The following SCAF11 variants were observed in gnomAD, a reference collection of about 807,000 sequenced individuals.
The protein encoded by SCAF11 is protein SCAF11.
SCAF11 carries 47 observed loss-of-function variants against 140.5 expected under a neutral mutation model. That is an observed-to-expected ratio of 0.33 (90% CI 0.26 to 0.43). SCAF11 has a LOEUF of 0.43. Ranked by LOEUF, SCAF11 falls within the 20% of genes least tolerant of loss-of-function variation. SCAF11 has a pLI of 1.00. For synonymous variants in SCAF11, 557 were observed against 579.4 expected (o/e 0.96, Z 0.55); for missense variants, 1,645 against 1,705.1 (o/e 0.96, Z 0.62).
upstream of SCAF11, chr12:45,991,887 AG>A: frequency 1.6e-6 from 2 of 1,285,674 alleles, no homozygotes; most frequent in Non-Finnish European, 2.0e-6. Context: ...CGGCTCACCC[AG>A]GTCCCAGTCG....
In SCAF11 at chr12:45,921,958, TCA is replaced by T; in HGVS notation, c.*88_*89del. The T allele has an allele frequency of 1.4e-6, 2 of 1,426,154 alleles. No individual in the cohort carries two copies. Among genetic ancestry groups the T allele is most frequent in the Non-Finnish European group, 1.9e-6 (2 of 1,059,058 alleles). The allele number at this position is 1,426,154 out of a possible 1,614,324, so 88.3% of individuals were successfully genotyped here. A position where few individuals can be genotyped will look rare whatever the true frequency, so the allele number is the denominator to read the frequency against. On this transcript the variant is annotated 3_prime_UTR_variant, in exon 15 of 15. Transcript: ENST00000369367. ...TAATTTTATCAAAACCAAATTTCAATCACAGTTATGTATGATTTTCAGTTAAT... is the reference window on the plus strand; with the variant it reads ...TAATTTTATCAAAACCAAATTTCAATCAGTTATGTATGATTTTCAGTTAAT...
intron 1 of SCAF11, among the ~76,000 whole-genome samples, chr12:45,988,727 GCAAA>G (rs1946520617): frequency 6.6e-6 from 1 of 152,112 alleles, no homozygotes; most frequent in South Asian, 2.1e-4. Flanking sequence ...CTTACAGTAA[GCAAA>G]CATTCAAATT....
chr12:45,964,246 T>TAAAAAA (rs199589025), intron 1 of SCAF11, 58 bp from the exon 2 acceptor site: 6 of 789,070 alleles, frequency 7.6e-6, no homozygotes, highest in African/African-American at 7.1e-5. Context: ...TAATATCAAT[T>TAAAAAA]AAAAAAAAAT....
At chr12:45,983,715 C>A (rs1213145496) in intron 1 of SCAF11, among the ~76,000 whole-genome samples, 1 of 147,356 alleles carries the variant, frequency 6.8e-6, no homozygotes, top group Non-Finnish European at 1.5e-5. Flanking sequence ...GAGTTCAAAA[C>A]CAGGTCTGAC....
In SCAF11 at chr12:45,928,327, C is replaced by T. The variant is rs780714781; in HGVS notation, c.1374G>A (p.Glu458=). 6.2e-7 allele frequency: 1 copy of T among 1,614,026 alleles called. No individual in the cohort carries two copies. Among genetic ancestry groups the T allele is most frequent in the Non-Finnish European group, 8.5e-7 (1 of 1,180,002 alleles). The change falls in exon 11 of 15, where the codon GAG becomes GAA. Residue 458 remains glutamate (E), a synonymous_variant. Transcript: ENST00000369367. ...CTGTATCATAATTTGCAGTATGCTT[C>T]TCACTTTCTTCTATTTGCTCATTGC... The part of the protein sequence containing the change: ...KSCNEQIEES[E]KHTANYDTEE...
chr12:45,961,444 G>C lies in SCAF11; in HGVS notation c.219+256C>G, dbSNP rs1316052730. ...TTACTGCATTTCTACCAGAAAAAAA[G>C]TTTGATCTGTTCTTCCTATAAGGTT... On this transcript the variant is annotated intron_variant, in intron 3 of 14. Coordinates refer to ENST00000369367, the MANE Select transcript of SCAF11 (RefSeq NM_004719.3). The C allele has an allele frequency of 8.0e-6, 5 of 624,288 alleles. No homozygotes were observed. In the East Asian group the frequency reaches 8.3e-5, roughly 10 times the overall value. 38.7% of individuals were successfully genotyped at this position (624,288 alleles called of 1,614,324 possible).
chr12:45,923,778 G>C (rs542365223), intron 12 of SCAF11, among the ~76,000 whole-genome samples: 2 of 152,106 alleles, frequency 1.3e-5, no homozygotes, highest in East Asian at 3.9e-4. Flanking sequence ...CGACTACCAG[G>C]TTCAAGTGAT....
chr12:45,960,511 A>G (rs2136609450), intron 3 of SCAF11: 1 of 152,300 alleles, frequency 6.6e-6, no homozygotes, highest in South Asian at 2.1e-4. Context: ...GCATTATTTC[A>G]TTAAACAGTG....
chr12:45,942,241 T>C (rs1945319003), intron 6 of SCAF11, among the ~76,000 whole-genome samples: 1 of 152,224 alleles, frequency 6.6e-6, no homozygotes. Context: ...CCCTAACTCT[T>C]GTGTTTTCAA....
chr12:45,989,984 C>T (rs115895989), intron 1 of SCAF11, among the ~76,000 whole-genome samples: 75 of 151,956 alleles, frequency 4.9e-4, no homozygotes, highest in Admixed American at 8.5e-4. Flanking sequence ...TTCCCCCCCC[C>T]CCGTAGGACC....
At chr12:45,947,584 T>C (rs1412748517) in intron 5 of SCAF11, among the ~76,000 whole-genome samples, 3 of 152,360 alleles carry the variant, frequency 2.0e-5, no homozygotes, top group East Asian at 3.9e-4. Context: ...ACTTGATCAG[T>C]GCTATTTACA....
chr12:45,973,022 A>G (rs1946148462), intron 1 of SCAF11, among the ~76,000 whole-genome samples: 1 of 146,076 alleles, frequency 6.8e-6, no homozygotes, highest in Non-Finnish European at 1.5e-5. Flanking sequence ...AGATATATAG[A>G]TATATAGATA....
At chr12:45,976,760 C>T (rs1350104141) in intron 1 of SCAF11, among the ~76,000 whole-genome samples, 1 of 151,904 alleles carries the variant, frequency 6.6e-6, no homozygotes, top group African/African-American at 2.4e-5. Flanking sequence ...GAAAAGGTCT[C>T]AAATCAGTAA....
At chr12:45,973,264 A>C (rs1028447521) in intron 1 of SCAF11, among the ~76,000 whole-genome samples, 1 of 151,512 alleles carries the variant, frequency 6.6e-6, no homozygotes, top group Admixed American at 6.6e-5. Context: ...CAACCTAAAA[A>C]ACAAAGAGAA....
rs1944707041 is a variant in SCAF11 at position 45,921,314 on chromosome 12, CA to C, written c.*733del. ...AACAATTTTTCCAAATCTTTTTCCTCAAAGTCTTCAACAAAGACTTTGAACT... is the reference window on the plus strand; with the variant it reads ...AACAATTTTTCCAAATCTTTTTCCTCAAGTCTTCAACAAAGACTTTGAACT... On this transcript the variant is annotated 3_prime_UTR_variant, in exon 15 of 15. Transcript: ENST00000369367. 1 of 152,626 alleles carries C rather than the reference CA, an allele frequency of 6.6e-6. No homozygotes were observed. Among genetic ancestry groups the C allele is most frequent in the Non-Finnish European group, 1.5e-5 (1 of 68,054 alleles). 9.5% of individuals were successfully genotyped at this position (152,626 alleles called of 1,614,324 possible).
chr12:45,965,543 G>A (rs1945924924), intron 1 of SCAF11, among the ~76,000 whole-genome samples: 1 of 152,064 alleles, frequency 6.6e-6, no homozygotes, highest in South Asian at 2.1e-4. Flanking sequence ...CCAACTCCTG[G>A]GCTCAAGCGA....
chr12:45,923,969 A>C (rs1187148300), intron 12 of SCAF11, among the ~76,000 whole-genome samples: 1 of 151,650 alleles, frequency 6.6e-6, no homozygotes, highest in Non-Finnish European at 1.5e-5. Context: ...TCCTGCCTCA[A>C]CCTCCTTAGT....
rs1944970920 is a variant in SCAF11 at position 45,928,876 on chromosome 12, A to C, written c.842-17T>G. 1 of 1,371,178 alleles carries C rather than the reference A, an allele frequency of 7.3e-7. No individual in the cohort carries two copies. The highest frequency in any genetic ancestry group is 1.5e-5 in the African/African-American group (1 of 66,278). The allele number at this position is 1,371,178 out of a possible 1,614,324, so 84.9% of individuals were successfully genotyped here. ...AAGAAGTACCTAATAATATTTAAAA[A>C]AAAAAAAAAAGTAAAAAATATGTTT... On this transcript the variant is annotated splice_polypyrimidine_tract_variant and intron_variant, in intron 10 of 14. Coordinates refer to ENST00000369367, the MANE Select transcript of SCAF11 (RefSeq NM_004719.3).
rs367816189 is a variant in SCAF11 at position 45,936,394 on chromosome 12, G to A, written c.464-1889C>T. Among the ~76,000 whole-genome samples, 4 of 152,106 alleles carry A rather than the reference G, an allele frequency of 2.6e-5. No homozygotes were observed. In the East Asian group the frequency reaches 5.8e-4, roughly 22 times the overall value. ...TGACCTCAGGTGATCCACCCACTTCGGCCTCCCAAAGTGCTGGGATCACAG... is the reference window on the plus strand; with the variant it reads ...TGACCTCAGGTGATCCACCCACTTCAGCCTCCCAAAGTGCTGGGATCACAG... On this transcript the variant is annotated intron_variant, in intron 6 of 14. Coordinates refer to ENST00000369367, the MANE Select transcript of SCAF11 (RefSeq NM_004719.3).
Sources: allele counts gnomAD v4.1 joint callset (sites outside exome capture counted in the v4.1 genomes callset), GRCh38; gene constraint gnomAD v4.1.1; transcripts MANE v1.5; gene names NCBI Gene and HGNC (gene_info 2026-07-23, HGNC 2026-07-21).